PLEKHM2: variants seen among roughly 807,000 people sequenced by gnomAD.
The protein encoded by PLEKHM2 is pleckstrin homology and RUN domain containing M2.
Under a neutral mutation model 116.3 loss-of-function variants are expected in PLEKHM2, and 77 were observed. The observed-to-expected ratio is 0.66, with a 90% CI of 0.55 to 0.80. The LOEUF (loss-of-function observed/expected upper bound fraction) is 0.80. Ranked by LOEUF, PLEKHM2 falls within the 30% of genes least tolerant of loss-of-function variation. The probability of loss-of-function intolerance (pLI) is 0.00; values close to 1 mark genes in which losing one functional copy is unlikely to be tolerated. For missense variants in PLEKHM2, 1,183 were observed against 1,354.9 expected (o/e 0.87, Z 1.99); for synonymous variants, 562 against 571.0 (o/e 0.98, Z 0.22).
At chr1:15,700,609 C>T (rs569060425) in intron 1 of PLEKHM2, among the ~76,000 whole-genome samples, 7 of 152,352 alleles carry the variant, frequency 4.6e-5, no homozygotes, top group South Asian at 4.1e-4. Flanking sequence ...TCCCTTCACA[C>T]ACCCTTCTGC....
intron 1 of PLEKHM2, among the ~76,000 whole-genome samples, chr1:15,712,186 G>A (rs933103468): frequency 6.6e-6 from 1 of 152,010 alleles, no homozygotes; most frequent in Non-Finnish European, 1.5e-5. Flanking sequence ...GGAAGATTGG[G>A]CAAAGGCTGT....
At chr1:15,725,280 G>A in intron 7 of PLEKHM2, 37 bp from the exon 8 acceptor site, 2 of 1,477,112 alleles carry the variant, frequency 1.4e-6, no homozygotes, top group Non-Finnish European at 1.9e-6. Context: ...CCCGGGGGGT[G>A]CCTGACAGGG....
At chr1:15,720,030 A>T in intron 6 of PLEKHM2, 110 bp downstream of exon 6, 1 of 855,024 alleles carries the variant, frequency 1.2e-6, no homozygotes, top group Non-Finnish European at 1.8e-6. Flanking sequence ...TGGTGGCTGA[A>T]ATTTGCAATT....
Position 15,728,122 on chromosome 1 carries a change from C to G in PLEKHM2, c.1804C>G (p.Arg602Gly). Residue 602 changes from arginine (R) to glycine (G), a missense_variant, in exon 10 of 20, where the codon CGA becomes GGA. This residue lies in a region of PLEKHM2 where 594 missense variants were observed against 720.1 expected (regional missense o/e 0.82). Coordinates refer to ENST00000375799, the MANE Select transcript of PLEKHM2 (RefSeq NM_015164.4). The surrounding 1 kb of genome is among the most constrained non-coding windows in gnomAD (Gnocchi z 5.9). Reference protein sequence around the residue: ...HLLLLMIHVFRENEEQLFKMI... With the variant: ...HLLLLMIHVFGENEEQLFKMI... ...GCTCCTGCTCATGATCCACGTGTTC[C>G]GAGAAAACGAAGAGCAGCTGTTCAA... is the stretch of plus-strand genomic sequence containing the variant. The G allele has an allele frequency of 6.2e-7, 1 of 1,611,216 alleles. No homozygotes were observed. Among genetic ancestry groups the G allele is most frequent in the Non-Finnish European group, 8.5e-7 (1 of 1,178,686 alleles).
intron 16 of PLEKHM2, among the ~76,000 whole-genome samples, chr1:15,731,580 C>T (rs764082032): frequency 1.3e-5 from 2 of 152,156 alleles, no homozygotes; most frequent in African/African-American, 2.4e-5. Flanking sequence ...AGGAAGCATG[C>T]GTGAATGAAT....
chr1:15,709,027 A>G (rs1200528659), intron 1 of PLEKHM2, among the ~76,000 whole-genome samples: 1 of 152,204 alleles, frequency 6.6e-6, no homozygotes, highest in Non-Finnish European at 1.5e-5. Context: ...ACGAGTTTCG[A>G]GAGGTTAGGT....
intron 1 of PLEKHM2, among the ~76,000 whole-genome samples, chr1:15,692,809 G>T (rs145730424): frequency 6.6e-6 from 1 of 151,994 alleles, no homozygotes; most frequent in Non-Finnish European, 1.5e-5. Context: ...GCACGATCTC[G>T]GCTCACTGCA....
At chr1:15,733,552 G>A (rs1016479764) in intron 19 of PLEKHM2, among the ~76,000 whole-genome samples, 1 of 152,250 alleles carries the variant, frequency 6.6e-6, no homozygotes, top group Admixed American at 6.5e-5. Context: ...CTGCCTCGCT[G>A]GGCCATCCTG....
In PLEKHM2 at chr1:15,731,966, G is replaced by T. The variant is rs376748082; in HGVS notation, c.2543G>T (p.Arg848Leu). Reference sequence around the variant, plus strand: ...GCCTTCCAGGTCATTCTCTCCGACCGGCCCTGCCTGGAGCTAAGTGCCGAG... The same window carrying T: ...GCCTTCCAGGTCATTCTCTCCGACCTGCCCTGCCTGGAGCTAAGTGCCGAG... ...PHAFQVILSD[R>L]PCLELSAESE... The change falls in exon 17 of 20, where the codon CGG becomes CTG. Residue 848 changes from arginine (R) to leucine (L), a missense_variant. Physicochemically the swap from Arg to Leu is moderately radical, Grantham distance 102. This residue lies in a region of PLEKHM2 where 594 missense variants were observed against 720.1 expected (regional missense o/e 0.82). Transcript: ENST00000375799. 5.6e-6 allele frequency: 9 copies of T among 1,612,122 alleles called. No individual in the cohort carries two copies. In the African/African-American group the frequency reaches 1.2e-4, roughly 22 times the overall value.
intron 1 of PLEKHM2, among the ~76,000 whole-genome samples, chr1:15,690,756 A>T (rs1640873647): frequency 6.6e-6 from 1 of 152,176 alleles, no homozygotes; most frequent in Non-Finnish European, 1.5e-5. Flanking sequence ...GTATTCAGTT[A>T]TTCAAAACTA....
chr1:15,715,387 A>C (rs3941673), intron 1 of PLEKHM2, among the ~76,000 whole-genome samples: 26,345 of 152,100 alleles, frequency 0.17, 3,033 homozygotes, highest in Non-Finnish European at 0.25. Context: ...CACGCCTGTA[A>C]TCGCAGCACT....
Position 15,725,300 on chromosome 1 carries a change from C to T in PLEKHM2, c.713-17C>T, listed in dbSNP as rs1280084606. The T allele has an allele frequency of 1.3e-6, 2 of 1,539,226 alleles. No homozygotes were observed. Among genetic ancestry groups the T allele is most frequent in the African/African-American group, 2.7e-5 (2 of 72,816 alleles). ...GGGGTGCCTGACAGGGTGTCTCCTGCTTCCTTGTCCTCCCAGATGGAGACC... is the reference window on the plus strand; with the variant it reads ...GGGGTGCCTGACAGGGTGTCTCCTGTTTCCTTGTCCTCCCAGATGGAGACC... On this transcript the variant is annotated splice_polypyrimidine_tract_variant and intron_variant, in intron 7 of 19. Transcript: ENST00000375799.
Position 15,716,289 on chromosome 1 carries a change from A to G in PLEKHM2, c.113A>G (p.His38Arg). 6.2e-7 allele frequency: 1 copy of G among 1,608,282 alleles called. No homozygotes were observed. The highest frequency in any genetic ancestry group is 8.5e-7 in the Non-Finnish European group (1 of 1,177,466). The change falls in exon 2 of 20, where the codon CAT becomes CGT. Residue 38 changes from histidine to arginine, a missense_variant. By Grantham distance (29) the His-to-Arg change is conservative (BLOSUM62 0). Around this residue, in one of 3 missense-constraint regions of PLEKHM2, gnomAD observed 217 missense variants for 277.6 expected, o/e 0.78. Transcript: ENST00000375799. The stretch of plus-strand genomic sequence containing the variant: ...GATGAGATCCCTGCCATCCGGAACC[A>G]TGACAAGGTCCTACAGCGTCTGTGT... ...CEDEIPAIRN[H>R]DKVLQRLCEH...
intron 1 of PLEKHM2, among the ~76,000 whole-genome samples, chr1:15,693,440 C>T (rs1241358773): frequency 1.3e-5 from 2 of 152,182 alleles, no homozygotes; most frequent in African/African-American, 4.8e-5. Context: ...TGGTCCTTTC[C>T]ATCCCATCAC....
intron 7 of PLEKHM2, among the ~76,000 whole-genome samples, chr1:15,724,223 G>A (rs974230763): frequency 1.2e-4 from 19 of 152,174 alleles, no homozygotes; most frequent in South Asian, 2.1e-4. Flanking sequence ...GGTGGCTCAC[G>A]CCTGTAATCC....
Position 15,684,522 on chromosome 1 carries a change from CGGT to C in PLEKHM2, c.-34_-32del, listed in dbSNP as rs758579555. 8.9e-5 allele frequency: 96 copies of C among 1,079,824 alleles called. No individual in the cohort carries two copies. In the East Asian group the frequency reaches 2.1e-3, roughly 24 times the overall value. 66.9% of individuals were successfully genotyped at this position (1,079,824 alleles called of 1,614,324 possible). On this transcript the variant is annotated 5_prime_UTR_variant, in exon 1 of 20. Transcript: ENST00000375799. Reference sequence around the variant, plus strand: ...GGAAGCGGCGGCGGGGCGGCGGCGGCGGTGGCGGTGGCGGTGGCGGCGACGGTG... The same window carrying C: ...GGAAGCGGCGGCGGGGCGGCGGCGGCGGCGGTGGCGGTGGCGGCGACGGTG...
chr1:15,685,058 C>A (rs1640740234), intron 1 of PLEKHM2, among the ~76,000 whole-genome samples: 1 of 152,260 alleles, frequency 6.6e-6, no homozygotes, highest in Non-Finnish European at 1.5e-5. Context: ...ACTTCACTTT[C>A]CCATGGCCTG....
rs758324256 is a variant in PLEKHM2 at position 15,729,005 on chromosome 1, T to G, written c.1987-97T>G. 1 of 1,162,900 alleles carries G rather than the reference T, an allele frequency of 8.6e-7. No homozygotes were observed. The highest frequency in any genetic ancestry group is 1.3e-6 in the Non-Finnish European group (1 of 797,814). 72.0% of individuals were successfully genotyped at this position (1,162,900 alleles called of 1,614,324 possible). ...TACTTGGTGGTGGCCCGGGGTGTGC[T>G]TCTTCCTCCCCAGCAAGCGCTCAGC... On this transcript the variant is annotated intron_variant, in intron 12 of 19. Coordinates refer to ENST00000375799, the MANE Select transcript of PLEKHM2 (RefSeq NM_015164.4). This position sits in a 1 kb window ranked among gnomAD's most constrained non-coding sequence, Gnocchi z 4.7.
chr1:15,724,423 T>C (rs2068034607), intron 7 of PLEKHM2, among the ~76,000 whole-genome samples: 1 of 151,100 alleles, frequency 6.6e-6, no homozygotes, highest in African/African-American at 2.4e-5. Flanking sequence ...TTGGAGGTTG[T>C]AGTGAGCCGG....
Sources: allele counts gnomAD v4.1 joint callset (sites outside exome capture counted in the v4.1 genomes callset), GRCh38; gene constraint gnomAD v4.1.1; regional missense constraint gnomAD v4.1.1; non-coding constraint Gnocchi (gnomAD v3.1); transcripts MANE v1.5; gene names NCBI Gene and HGNC (gene_info 2026-07-23, HGNC 2026-07-21).